AGMO: variants seen among roughly 807,000 people sequenced by gnomAD.
AGMO encodes alkylglycerol monooxygenase, also known as glyceryl-ether monooxygenase.
In AGMO, 75 loss-of-function variants were observed where a neutral mutation model predicts 60.2. That is an observed-to-expected ratio of 1.25 (90% CI 1.03 to 1.51). The LOEUF (loss-of-function observed/expected upper bound fraction) is 1.51. AGMO is among the 40% of genes most tolerant of loss of function. The pLI, the probability that AGMO is intolerant of heterozygous loss-of-function variation, is 0.00. For synonymous variants in AGMO, 261 were observed against 177.1 expected, an observed-to-expected ratio of 1.47 and a Z score of -3.76; for missense variants, 763 against 525.5, an observed-to-expected ratio of 1.45 and a Z score of -4.42.
chr7:15,333,443 T>C (rs1583419007), intron 12 of AGMO, among the ~76,000 whole-genome samples: 1 of 152,176 alleles, frequency 6.6e-6, no homozygotes, highest in Non-Finnish European at 1.5e-5. Flanking sequence ...GATTATTTTT[T>C]ACCACATTAA....
At chr7:15,162,927 A>G in the AGMO span, among the ~76,000 whole-genome samples, 1 of 152,012 alleles carries the variant, frequency 6.6e-6, no homozygotes, top group East Asian at 1.9e-4. Flanking sequence ...CATTTTAACT[A>G]TGTTGACTCT....
chr7:15,545,756 T>C (rs1784763026), intron 2 of AGMO, among the ~76,000 whole-genome samples: 1 of 152,026 alleles, frequency 6.6e-6, no homozygotes, highest in Non-Finnish European at 1.5e-5. Flanking sequence ...TTTTAGAAAG[T>C]ATATTATTCT....
chr7:15,154,665 A>G, the AGMO span, among the ~76,000 whole-genome samples: 1 of 152,196 alleles, frequency 6.6e-6, no homozygotes, highest in African/African-American at 2.4e-5. Flanking sequence ...TGGTTGTTAT[A>G]TAGACTTGAT....
At chr7:15,362,556 A>C (rs1371017191) in intron 12 of AGMO, among the ~76,000 whole-genome samples, 1 of 152,222 alleles carries the variant, frequency 6.6e-6, no homozygotes, top group Non-Finnish European at 1.5e-5. Context: ...ATGTGAATTA[A>C]ATACTGTTTT....
At chr7:15,374,594 C>A (rs561707865) in intron 10 of AGMO, among the ~76,000 whole-genome samples, 1 of 127,724 alleles carries the variant, frequency 7.8e-6, no homozygotes, top group Non-Finnish European at 1.8e-5. Flanking sequence ...CCTGGAAAAA[C>A]AAACAATAGC....
intron 8 of AGMO, among the ~76,000 whole-genome samples, chr7:15,389,352 A>G (rs1035614706): frequency 6.6e-6 from 1 of 152,184 alleles, no homozygotes; most frequent in Admixed American, 6.5e-5. Context: ...CTATATGAAG[A>G]AAAGGGAGCT....
chr7:15,305,344 A>T (rs1159235255), intron 12 of AGMO, among the ~76,000 whole-genome samples: 1 of 151,828 alleles, frequency 6.6e-6, no homozygotes, highest in East Asian at 1.9e-4. Flanking sequence ...CCATATCCCC[A>T]TCTCTCCTTG....
At chr7:15,245,240 C>T (rs1443228670) in intron 12 of AGMO, among the ~76,000 whole-genome samples, 1 of 152,092 alleles carries the variant, frequency 6.6e-6, no homozygotes, top group Non-Finnish European at 1.5e-5. Context: ...ACCAACTAAT[C>T]TCCTACTCTA....
chr7:15,296,910 C>G (rs1784421935), intron 12 of AGMO, among the ~76,000 whole-genome samples: 1 of 152,180 alleles, frequency 6.6e-6, no homozygotes, highest in Non-Finnish European at 1.5e-5. Flanking sequence ...TCCACATCAT[C>G]ATAACCTTCC....
At chr7:15,255,723 A>T (rs1783077585) in intron 12 of AGMO, among the ~76,000 whole-genome samples, 1 of 152,208 alleles carries the variant, frequency 6.6e-6, no homozygotes, top group African/African-American at 2.4e-5. Context: ...CAAATTAATA[A>T]AAGTTATACA....
At chr7:15,544,096 T>G (rs866256843) in intron 3 of AGMO, among the ~76,000 whole-genome samples, 1 of 152,086 alleles carries the variant, frequency 6.6e-6, no homozygotes, top group African/African-American at 2.4e-5. Flanking sequence ...TGGAAACTAT[T>G]ATTCTAAGTG....
chr7:15,554,890 C>T (rs1349845677), intron 2 of AGMO, among the ~76,000 whole-genome samples: 2 of 151,878 alleles, frequency 1.3e-5, no homozygotes, highest in South Asian at 2.1e-4. Flanking sequence ...GACATTCACT[C>T]TTTCAGTGTC....
At chr7:15,128,043 G>T in the AGMO span, among the ~76,000 whole-genome samples, 1 of 151,946 alleles carries the variant, frequency 6.6e-6, no homozygotes, top group Non-Finnish European at 1.5e-5. Flanking sequence ...CAACCACAAG[G>T]TTCATATTGA....
intron 12 of AGMO, among the ~76,000 whole-genome samples, chr7:15,229,423 C>G (rs916027038): frequency 8.6e-5 from 13 of 150,902 alleles, no homozygotes; most frequent in Non-Finnish European, 1.6e-4. Context: ...AAAAGCTATC[C>G]TCACAAGGTG....
chr7:15,153,483 T>C, the AGMO span, among the ~76,000 whole-genome samples: 3 of 152,196 alleles, frequency 2.0e-5, no homozygotes, highest in African/African-American at 7.2e-5. Flanking sequence ...GGGTCTTAGA[T>C]TGAAGTCTTT....
At position 15,229,267 on chromosome 7, in the gene AGMO, G is replaced by C. The variant is rs1293576029; in HGVS notation, c.1264-27908C>G. Reference sequence around the variant, plus strand: ...GATAATTTTATCATGTCTATAACCAGAGGGAGTATATACGAACATGGCACA... The same window carrying C: ...GATAATTTTATCATGTCTATAACCACAGGGAGTATATACGAACATGGCACA... On this transcript the variant is annotated intron_variant, in intron 12 of 12. Transcript: ENST00000342526. Among the ~76,000 whole-genome samples, 7 of 152,002 alleles carry C rather than the reference G, an allele frequency of 4.6e-5. 1 individual carries two copies. Among genetic ancestry groups the C allele is most frequent in the Admixed American group, 4.6e-4 (7 of 15,226 alleles).
At chr7:15,354,662 AAAC>A (rs202085766) in intron 12 of AGMO, among the ~76,000 whole-genome samples, 5,346 of 149,132 alleles carry the variant, frequency 0.036, 114 homozygotes, top group South Asian at 0.059. Context: ...AAGTGAAAGA[AAAC>A]AATTTTTTAA....
intron 5 of AGMO, among the ~76,000 whole-genome samples, chr7:15,406,000 A>C (rs1339254623): frequency 2.6e-5 from 4 of 151,886 alleles, no homozygotes; most frequent in Non-Finnish European, 4.4e-5. Context: ...TAAGAGCTTA[A>C]ATTCCAATCC....
chr7:15,425,742 A>T (rs11974178), intron 4 of AGMO, among the ~76,000 whole-genome samples: 82,088 of 152,004 alleles, frequency 0.54, 22,359 homozygotes, highest in Middle Eastern at 0.69. Flanking sequence ...ACCCAGCCCA[A>T]TTGTATTTAT....
Sources: gnomAD v4.1 joint callset for allele counts (sites outside exome capture counted in the v4.1 genomes callset) on GRCh38, gnomAD v4.1.1 for gene constraint, MANE v1.5 for transcripts, NCBI Gene and HGNC (gene_info 2026-07-23, HGNC 2026-07-21) for gene names.